C12orf42: variants seen among roughly 807,000 people sequenced by gnomAD.
C12orf42 encodes chromosome 12 open reading frame 42, also known as uncharacterized protein C12orf42.
C12orf42 carries 25 observed loss-of-function variants against 21.6 expected under a neutral mutation model. The observed-to-expected ratio is 1.16, with a 90% confidence interval of 0.84 to 1.62. The LOEUF is 1.62. Among genes scored for constraint, C12orf42 ranks in the 40% most tolerant of loss-of-function variants. The pLI, the probability that C12orf42 is intolerant of heterozygous loss-of-function variation, is 0.00. For synonymous variants in C12orf42, 174 were observed against 175.0 expected (o/e 0.99, Z 0.05); for missense variants, 483 against 459.3 (o/e 1.05, Z -0.47).
chr12:103,111,255 G>A, the C12orf42 span, among the ~76,000 whole-genome samples: 1 of 152,148 alleles, frequency 6.6e-6, no homozygotes, highest in East Asian at 1.9e-4. Flanking sequence ...ATTCATTGAT[G>A]TGTATTAAAA....
chr12:103,196,874 T>C, the C12orf42 span, among the ~76,000 whole-genome samples: 55,771 of 151,892 alleles, frequency 0.37, 10,930 homozygotes, highest in South Asian at 0.44. Context: ...ATCCAACTTG[T>C]CATTGTGTGC....
At chr12:103,547,429 C>T in the C12orf42 span, among the ~76,000 whole-genome samples, 1 of 152,202 alleles carries the variant, frequency 6.6e-6, no homozygotes, top group African/African-American at 2.4e-5. Flanking sequence ...TGTACAAATA[C>T]AATCTTCAAT....
intron 2 of C12orf42, among the ~76,000 whole-genome samples, chr12:103,407,037 T>C (rs2048473865): frequency 6.6e-6 from 1 of 152,152 alleles, no homozygotes; most frequent in Admixed American, 6.5e-5. Flanking sequence ...TTTATCCTTA[T>C]TTTGTAGATG....
chr12:103,150,433 G>T, the C12orf42 span, among the ~76,000 whole-genome samples: 2 of 152,204 alleles, frequency 1.3e-5, no homozygotes, highest in African/African-American at 4.8e-5. Context: ...AAAGTGATTA[G>T]GTAAAGCATT....
the C12orf42 span, among the ~76,000 whole-genome samples, chr12:103,227,796 G>A: frequency 5.9e-5 from 9 of 152,250 alleles, no homozygotes; most frequent in Non-Finnish European, 1.0e-4. Flanking sequence ...CATGACCGGC[G>A]CCGGAGTTTT....
At chr12:103,132,171 C>T in the C12orf42 span, among the ~76,000 whole-genome samples, 2 of 152,052 alleles carry the variant, frequency 1.3e-5, no homozygotes, top group East Asian at 1.9e-4. Flanking sequence ...CTGGTAGGCA[C>T]CTGCCCTACA....
chr12:103,502,496 G>A, the C12orf42 span, among the ~76,000 whole-genome samples: 13 of 151,632 alleles, frequency 8.6e-5, no homozygotes, highest in East Asian at 1.4e-3. Flanking sequence ...CACACCTCCC[G>A]TGTGCCTGCC....
intron 4 of C12orf42, among the ~76,000 whole-genome samples, chr12:103,336,782 G>A (rs777915914): frequency 2.0e-5 from 3 of 152,016 alleles, no homozygotes; most frequent in Non-Finnish European, 2.9e-5. Context: ...AAAATGCATC[G>A]CTGGGAAAAA....
intron 2 of C12orf42, among the ~76,000 whole-genome samples, chr12:103,419,911 A>G (rs529010864): frequency 6.6e-6 from 1 of 152,314 alleles, no homozygotes; most frequent in African/African-American, 2.4e-5. Flanking sequence ...AGGGTTTTCT[A>G]TAACAAAAAA....
intron 2 of C12orf42, among the ~76,000 whole-genome samples, chr12:103,461,768 C>T (rs116292945): frequency 2.1e-3 from 315 of 152,288 alleles, no homozygotes; most frequent in African/African-American, 7.4e-3. Flanking sequence ...GTATCCGATA[C>T]ATTGCACTTA....
chr12:103,293,233 G>C (rs1276603116), intron 4 of C12orf42, among the ~76,000 whole-genome samples: 1 of 151,916 alleles, frequency 6.6e-6, no homozygotes, highest in Non-Finnish European at 1.5e-5. Context: ...TATATCTGCA[G>C]GTATATTTCA....
intron 4 of C12orf42, among the ~76,000 whole-genome samples, chr12:103,306,887 C>A (rs989131347): frequency 7.4e-6 from 1 of 135,294 alleles, no homozygotes; most frequent in African/African-American, 3.1e-5. Flanking sequence ...GAAACTGAGA[C>A]ACACAAGAGA....
chr12:103,207,839 AAG>A, the C12orf42 span, among the ~76,000 whole-genome samples: 2 of 152,196 alleles, frequency 1.3e-5, no homozygotes, highest in African/African-American at 4.8e-5. Context: ...AGGCTAAGAA[AAG>A]AGAAAGATTT....
At chr12:103,316,977 C>T (rs12228711) in intron 4 of C12orf42, among the ~76,000 whole-genome samples, 13,472 of 152,196 alleles carry the variant, frequency 0.089, 590 homozygotes, top group East Asian at 0.18. Flanking sequence ...GATTGGTCCA[C>T]ATTGCTCAGT....
the C12orf42 span, among the ~76,000 whole-genome samples, chr12:103,095,001 G>C: frequency 6.6e-6 from 1 of 152,128 alleles, no homozygotes; most frequent in Non-Finnish European, 1.5e-5. Flanking sequence ...TTTACCACAG[G>C]TCCAAAATCT....
chr12:103,302,071 G>A lies in C12orf42; in HGVS notation c.*37C>T. 6.3e-7 allele frequency: 1 copy of A among 1,578,900 alleles called. No individual in the cohort carries two copies. The highest frequency in any genetic ancestry group is 8.6e-7 in the Non-Finnish European group (1 of 1,160,966). ...TGTTCTGAGCAGGCATTGATTTGAA[G>A]ATGGGCAGCACTCGCCGAACAATTC... is the stretch of plus-strand genomic sequence containing the variant. On this transcript the variant is annotated 3_prime_UTR_variant, in exon 6 of 6. Transcript: ENST00000548883.
intron 2 of C12orf42, among the ~76,000 whole-genome samples, chr12:103,463,475 C>A (rs1752275724): frequency 6.6e-6 from 1 of 152,076 alleles, no homozygotes; most frequent in Admixed American, 6.6e-5. Context: ...GGAGGTGTTA[C>A]TAAGATGGGA....
chr12:103,136,701 G>C, the C12orf42 span, among the ~76,000 whole-genome samples: 3 of 152,182 alleles, frequency 2.0e-5, no homozygotes, highest in African/African-American at 7.2e-5. Flanking sequence ...CAATGGAACA[G>C]AGTACACAAT....
chr12:103,082,705 G>A, the C12orf42 span, among the ~76,000 whole-genome samples: 1 of 152,178 alleles, frequency 6.6e-6, no homozygotes, highest in Non-Finnish European at 1.5e-5. Context: ...AATAAAAAAA[G>A]ACTAGTTATT....
Sources: allele counts gnomAD v4.1 joint callset (sites outside exome capture counted in the v4.1 genomes callset), GRCh38; gene constraint gnomAD v4.1.1; transcripts MANE v1.5; gene names NCBI Gene and HGNC (gene_info 2026-07-23, HGNC 2026-07-21).